FAM171A1: variants seen among roughly 807,000 people sequenced by gnomAD.
FAM171A1 encodes the protein protein FAM171A1.
A neutral mutation model predicts 74.9 loss-of-function variants in FAM171A1; 23 were observed. The ratio of observed to expected loss-of-function variants is 0.31; its 90% confidence interval spans 0.22 to 0.44. The LOEUF is 0.44. FAM171A1 is among the 20% of genes least tolerant of loss of function. FAM171A1 has a pLI of 1.00. For missense variants in FAM171A1, 1,162 were observed against 1,159.2 expected (o/e 1.00, Z -0.03); for synonymous variants, 527 against 505.7 (o/e 1.04, Z -0.57).
At chr10:15,279,296 T>C (rs1353197340) in intron 2 of FAM171A1, among the ~76,000 whole-genome samples, 1 of 152,234 alleles carries the variant, frequency 6.6e-6, no homozygotes, top group East Asian at 1.9e-4. Flanking sequence ...CTTGTTTTAC[T>C]TTTTTAGGCC....
rs371848912 is a variant in FAM171A1, at chr10:15,213,561, G to A, written c.2027C>T (p.Ala676Val). 6.2e-7 allele frequency: 1 copy of A among 1,614,136 alleles called. No individual in the cohort carries two copies. The change falls in exon 8 of 8, where the codon GCG becomes GTG. Residue 676 changes from alanine to valine, a missense_variant. Ala to Val is a moderately conservative substitution (Grantham distance 64). Transcript: ENST00000378116. This position sits in a 1 kb window ranked among gnomAD's most constrained non-coding sequence, Gnocchi z 6.8. ...SLSIPASLNDAALAQMNSEVQ... is the reference protein window; with the variant it reads ...SLSIPASLNDVALAQMNSEVQ... ...CTCACTGTTCATCTGAGCCAAAGCC[G>A]CGTCGTTCAGGGAAGCTGGGATGGA...
At chr10:15,257,382 G>T (rs77718352) in intron 3 of FAM171A1, among the ~76,000 whole-genome samples, 1 of 152,158 alleles carries the variant, frequency 6.6e-6, no homozygotes, top group Admixed American at 6.5e-5. Flanking sequence ...CAGGACTTAC[G>T]GGGACTGGCC....
chr10:15,306,130 C>T (rs1446780136), intron 1 of FAM171A1, among the ~76,000 whole-genome samples: 1 of 152,190 alleles, frequency 6.6e-6, no homozygotes, highest in African/African-American at 2.4e-5. Context: ...ATGTTTCTTG[C>T]TGGGGCAAGC....
Position 15,304,665 on chromosome 10 carries a change from TATGG to T in FAM171A1, c.98-20564_98-20561del, listed in dbSNP as rs1206665694. On this transcript the variant is annotated intron_variant, in intron 1 of 7. Transcript: ENST00000378116. ...TGTTTCTCTGTGTGGCCCTGCCTGT[TATGG>T]TGTAGCCCTCCTCTTGGGAACTGTG... Among the ~76,000 whole-genome samples the T allele has an allele frequency of 3.3e-5, 5 of 152,172 alleles. No individual in the cohort carries two copies. The East Asian group carries it at 9.6e-4, about 29-fold the overall frequency.
At chr10:15,327,907 G>GGGATAT (rs1835575584) in intron 1 of FAM171A1, among the ~76,000 whole-genome samples, 1 of 145,814 alleles carries the variant, frequency 6.9e-6, no homozygotes, top group African/African-American at 2.5e-5. Context: ...TCACAAACCT[G>GGGATAT]TACATGTATC....
chr10:15,254,607 C>T, intron 4 of FAM171A1, 114 bp downstream of exon 4: 2 of 1,165,112 alleles, frequency 1.7e-6, no homozygotes, highest in Non-Finnish European at 2.4e-6. Context: ...TCCCCTTCTG[C>T]ACCTTCAGTG....
chr10:15,282,338 G>C (rs971560290), intron 2 of FAM171A1, among the ~76,000 whole-genome samples: 2 of 152,134 alleles, frequency 1.3e-5, no homozygotes, highest in South Asian at 4.1e-4. Flanking sequence ...AGCTTTGTTC[G>C]GGCATGAGTT....
At chr10:15,335,462 G>A (rs1295074464) in intron 1 of FAM171A1, among the ~76,000 whole-genome samples, 1 of 152,032 alleles carries the variant, frequency 6.6e-6, no homozygotes, top group East Asian at 1.9e-4. Context: ...CAAAAGAAAA[G>A]GTTTTCTGGT....
At chr10:15,341,832 C>T (rs889823625) in intron 1 of FAM171A1, among the ~76,000 whole-genome samples, 1 of 152,204 alleles carries the variant, frequency 6.6e-6, no homozygotes, top group Non-Finnish European at 1.5e-5. Context: ...ACTGCCTAGA[C>T]AGAGGGAGAC....
chr10:15,278,380 C>T (rs1834921681), intron 2 of FAM171A1, among the ~76,000 whole-genome samples: 2 of 152,176 alleles, frequency 1.3e-5, no homozygotes, highest in Admixed American at 1.3e-4. Flanking sequence ...CCCCAGGATG[C>T]AGCAATTCCA....
upstream of FAM171A1, among the ~76,000 whole-genome samples, chr10:15,372,581 C>G (rs553456296): frequency 2.6e-5 from 4 of 151,858 alleles, 1 homozygote; most frequent in South Asian, 8.4e-4. Context: ...GCCTGTGGTC[C>G]CAACTACTCA....
intron 1 of FAM171A1, among the ~76,000 whole-genome samples, chr10:15,351,133 C>T (rs941796825): frequency 2.0e-5 from 3 of 152,164 alleles, no homozygotes; most frequent in Non-Finnish European, 2.9e-5. Flanking sequence ...AACTCGAGGC[C>T]CTGAAAAGCA....
intron 1 of FAM171A1, among the ~76,000 whole-genome samples, chr10:15,285,567 A>C (rs1447291876): frequency 6.6e-6 from 1 of 152,226 alleles, no homozygotes; most frequent in African/African-American, 2.4e-5. Flanking sequence ...TGCTGATTCC[A>C]GAACTATGTG....
intron 1 of FAM171A1, among the ~76,000 whole-genome samples, chr10:15,330,220 T>C (rs1310092914): frequency 6.6e-6 from 1 of 152,086 alleles, no homozygotes; most frequent in Middle Eastern, 3.2e-3. Context: ...TGCACGCCTG[T>C]AATCCCAGCT....
At chr10:15,272,157 C>T (rs1834833752) in intron 3 of FAM171A1, among the ~76,000 whole-genome samples, 1 of 152,116 alleles carries the variant, frequency 6.6e-6, no homozygotes, top group Non-Finnish European at 1.5e-5. Context: ...TGTGCAGAGA[C>T]ACACATAGGC....
At chr10:15,370,920 G>T in intron 1 of FAM171A1, 36 bp downstream of exon 1, 2 of 1,015,722 alleles carry the variant, frequency 2.0e-6, no homozygotes, top group Non-Finnish European at 2.4e-6. Context: ...GGCCCGGCGC[G>T]ACACAAAGCC....
intron 1 of FAM171A1, among the ~76,000 whole-genome samples, chr10:15,310,060 C>T (rs1588546662): frequency 6.6e-6 from 1 of 152,216 alleles, no homozygotes; most frequent in East Asian, 1.9e-4. Context: ...GCTTAAGAAT[C>T]CGATGATACT....
Position 15,276,801 on chromosome 10 carries a change from T to C in FAM171A1, c.326-854A>G, listed in dbSNP as rs146129967. On this transcript the variant is annotated intron_variant, in intron 2 of 7. Coordinates refer to ENST00000378116, the MANE Select transcript of FAM171A1 (RefSeq NM_001010924.2). ...CCAGGCTCAAGTATCCCTGCTGCCT[T>C]AGTCTCTCAAATAGTTGGGACCATG... Among the ~76,000 whole-genome samples, 1,386 of 152,158 alleles carry C rather than the reference T, an allele frequency of 9.1e-3. 10 individuals carry two copies. The highest frequency in any genetic ancestry group is 0.014 in the Non-Finnish European group (979 of 67,982).
At chr10:15,226,062 A>T (rs1834102305) in intron 5 of FAM171A1, among the ~76,000 whole-genome samples, 1 of 152,174 alleles carries the variant, frequency 6.6e-6, no homozygotes, top group African/African-American at 2.4e-5. Flanking sequence ...CCTCTGCACA[A>T]GCAAGCAGCT....
Sources: allele counts gnomAD v4.1 joint callset (sites outside exome capture counted in the v4.1 genomes callset), GRCh38; gene constraint gnomAD v4.1.1; non-coding constraint Gnocchi (gnomAD v3.1); transcripts MANE v1.5; gene names NCBI Gene and HGNC (gene_info 2026-07-23, HGNC 2026-07-21).